PRDM16: variants seen among roughly 807,000 people sequenced by gnomAD.
PRDM16 encodes PR/SET domain 16, also known as histone-lysine N-methyltransferase PRDM16.
A neutral mutation model predicts 110.6 loss-of-function variants in PRDM16; 23 were observed. The observed-to-expected ratio is 0.21, with a 90% confidence interval of 0.15 to 0.29. The LOEUF (loss-of-function observed/expected upper bound fraction) is 0.29, where lower values mean the gene tolerates loss of function less well. PRDM16 is among the 10% of genes least tolerant of loss of function. The pLI, the probability that PRDM16 is intolerant of heterozygous loss-of-function variation, is 1.00. For missense variants in PRDM16, 1,615 were observed against 1,794.3 expected, an observed-to-expected ratio of 0.90 and a Z score of 1.81; for synonymous variants, 799 against 781.8, an observed-to-expected ratio of 1.02 and a Z score of -0.37.
chr1:3,069,223 C>T lies in PRDM16; in HGVS notation c.-37C>T, dbSNP rs1033736931. ...AAGATAGTGTGTGGCTGCTTCTGGA[C>T]TCAAGGAGGAGGAGAGAGATTCCGC... On this transcript the variant is annotated 5_prime_UTR_variant, in exon 1 of 17. Coordinates refer to ENST00000270722, the MANE Select transcript of PRDM16 (RefSeq NM_022114.4). This position sits in a 1 kb window ranked among gnomAD's most constrained non-coding sequence, Gnocchi z 6.1. 9 of 1,577,574 alleles carry T rather than the reference C, an allele frequency of 5.7e-6. No individual in the cohort carries two copies. The highest frequency in any genetic ancestry group is 6.9e-6 in the Non-Finnish European group (8 of 1,160,918).
rs186383353 is a variant in PRDM16, at chr1:3,249,469, G to A, written c.438+5332G>A. On this transcript the variant is annotated intron_variant, in intron 3 of 16. Coordinates refer to ENST00000270722, the MANE Select transcript of PRDM16 (RefSeq NM_022114.4). ...ACCGCCTTTTCCCGTTCCCTTACCA[G>A]CCAGCCAGCAACACAGATCCCGCCG... Among the ~76,000 whole-genome samples, 48 of 152,002 alleles carry A rather than the reference G, an allele frequency of 3.2e-4. 1 individual carries two copies. The East Asian group carries it at 7.4e-3, about 23-fold the overall frequency.
At chr1:3,274,093 A>C (rs1640529208) in intron 3 of PRDM16, among the ~76,000 whole-genome samples, 1 of 152,160 alleles carries the variant, frequency 6.6e-6, no homozygotes, top group Non-Finnish European at 1.5e-5. Context: ...AAAGTCCCTA[A>C]GAAAGAAGGG....
chr1:3,402,559 TG>T (rs888515383), intron 5 of PRDM16, among the ~76,000 whole-genome samples: 20 of 152,186 alleles, frequency 1.3e-4, no homozygotes, highest in Admixed American at 1.2e-3. Flanking sequence ...AGGCACAGAT[TG>T]GGGGGTCCTT....
chr1:3,069,374 C>G lies in PRDM16; in HGVS notation c.37+78C>G, dbSNP rs1297168798. 1.3e-5 allele frequency: 7 copies of G among 535,656 alleles called. No individual in the cohort carries two copies. The Admixed American group carries it at 2.0e-4, about 15-fold the overall frequency. 33.2% of individuals were successfully genotyped at this position (535,656 alleles called of 1,614,324 possible). A position where few individuals can be genotyped will look rare whatever the true frequency, so the allele number is the denominator to read the frequency against. On this transcript the variant is annotated intron_variant, in intron 1 of 16. Coordinates refer to ENST00000270722, the MANE Select transcript of PRDM16 (RefSeq NM_022114.4). This position sits in a 1 kb window ranked among gnomAD's most constrained non-coding sequence, Gnocchi z 6.1. ...CCGGGGCGCCCGGGCCAGGGGTGCG[C>G]GTCGGGGCGCGGCCGGCGCGCCTGC...
chr1:3,079,242 C>T (rs1272550251), intron 1 of PRDM16, among the ~76,000 whole-genome samples: 10 of 152,248 alleles, frequency 6.6e-5, no homozygotes, highest in Non-Finnish European at 1.5e-5. Context: ...GCTATGTCAG[C>T]ATCTCTCCGC....
intron 1 of PRDM16, among the ~76,000 whole-genome samples, chr1:3,146,677 G>GTA (rs1643665623): frequency 6.8e-6 from 1 of 146,982 alleles, no homozygotes; most frequent in Non-Finnish European, 1.5e-5. Flanking sequence ...AGTGTGGGGT[G>GTA]TGTGTGCACG....
chr1:3,338,303 C>T lies in PRDM16; in HGVS notation c.439-46849C>T, dbSNP rs75030428. The stretch of plus-strand genomic sequence containing the variant: ...GCTCCTGTGGCCTCAGATGAGAAGC[C>T]CCGTGGGGAACAGATGTTCCCTTGC... On this transcript the variant is annotated intron_variant, in intron 3 of 16. Coordinates refer to ENST00000270722, the MANE Select transcript of PRDM16 (RefSeq NM_022114.4). Among the ~76,000 whole-genome samples, 71 of 152,354 alleles carry T rather than the reference C, an allele frequency of 4.7e-4. 2 individuals carry two copies. In the East Asian group the frequency reaches 0.013, roughly 29 times the overall value.
chr1:3,336,489 T>A (rs1292161904), intron 3 of PRDM16, among the ~76,000 whole-genome samples: 1 of 151,508 alleles, frequency 6.6e-6, no homozygotes, highest in Admixed American at 6.6e-5. Context: ...CACATGTGTG[T>A]TGGTGTGAGA....
At position 3,438,369 on chromosome 1, in the gene PRDM16, C is replaced by A. The variant is rs560704161; in HGVS notation, c.*4558C>A. 4.9e-6 allele frequency: 1 copy of A among 203,080 alleles called. No homozygotes were observed. The highest frequency in any genetic ancestry group is 2.3e-5 in the African/African-American group (1 of 43,724). The allele number at this position is 203,080 out of a possible 1,614,324, so 12.6% of individuals were successfully genotyped here. A position where few individuals can be genotyped will look rare whatever the true frequency, so the allele number is the denominator to read the frequency against. On this transcript the variant is annotated 3_prime_UTR_variant, in exon 17 of 17. Transcript: ENST00000270722. ...CAGTTCCCAATTAATACGGAAATCG[C>A]TGTGGGAGAAGAATGAAATAAGACG... is the stretch of plus-strand genomic sequence containing the variant.
chr1:3,220,347 T>A (rs906406794), intron 2 of PRDM16, among the ~76,000 whole-genome samples: 1 of 152,130 alleles, frequency 6.6e-6, no homozygotes, highest in Non-Finnish European at 1.5e-5. Context: ...CTGTCCTGGC[T>A]CAGACTCACG....
rs541066271 is a variant in PRDM16 at position 3,242,979 on chromosome 1, A to G, written c.388-1108A>G. On this transcript the variant is annotated intron_variant, in intron 2 of 16. Coordinates refer to ENST00000270722, the MANE Select transcript of PRDM16 (RefSeq NM_022114.4). ...TGTCAGTTTGCTTAGCACAGACAGC[A>G]CTCTGGGATGGGTCACTGAGACGCC... Among the ~76,000 whole-genome samples, 1,521 of 152,242 alleles carry G rather than the reference A, an allele frequency of 1.0e-2. 8 individuals carry two copies. Among genetic ancestry groups the G allele is most frequent in the Non-Finnish European group, 0.011 (776 of 68,016 alleles).
intron 1 of PRDM16, among the ~76,000 whole-genome samples, chr1:3,149,394 G>A (rs1235932531): frequency 6.6e-6 from 1 of 152,152 alleles, no homozygotes; most frequent in Non-Finnish European, 1.5e-5. Context: ...CTGAGCCCCG[G>A]GTGGGGGCAG....
intron 3 of PRDM16, among the ~76,000 whole-genome samples, chr1:3,276,737 C>CAAAGCCAGCGAG (rs1640594260): frequency 2.3e-5 from 3 of 130,774 alleles, no homozygotes; most frequent in African/African-American, 8.2e-5. Flanking sequence ...TGTTTCCTCA[C>CAAAGCCAGCGAG]GGTTTCCCCT....
intron 3 of PRDM16, among the ~76,000 whole-genome samples, chr1:3,329,784 C>T (rs990769228): frequency 6.6e-6 from 1 of 152,258 alleles, no homozygotes; most frequent in African/African-American, 2.4e-5. Flanking sequence ...GAGAGGGGCA[C>T]GCCTGGGAGA....
chr1:3,248,891 T>C (rs1364808191), intron 3 of PRDM16, among the ~76,000 whole-genome samples: 1 of 152,116 alleles, frequency 6.6e-6, no homozygotes, highest in Non-Finnish European at 1.5e-5. Context: ...GTTTCCTGGG[T>C]CCCTCCCGTG....
rs1202739250 is a variant in PRDM16, at chr1:3,240,040, GAGGAGAGGAGAGGAGA to G, written c.388-4044_388-4029del. 4.0e-3 allele frequency among the ~76,000 whole-genome samples: 395 copies of G among 99,846 alleles called. 4 individuals are homozygous for G. Among genetic ancestry groups the G allele is most frequent in the South Asian group, 9.6e-3 (23 of 2,404 alleles). 65.5% of individuals were successfully genotyped at this position (99,846 alleles called of 152,430 possible). A position where few individuals can be genotyped will look rare whatever the true frequency, so the allele number is the denominator to read the frequency against. On this transcript the variant is annotated intron_variant, in intron 2 of 16. Transcript: ENST00000270722. ...AGAGAGAGAGAAGAGGAGAGGAGAA[GAGGAGAGGAGAGGAGA>G]AGAGGAGAGGAGAGGAGAGGAGAGG...
intron 2 of PRDM16, among the ~76,000 whole-genome samples, chr1:3,216,478 C>A (rs1213600046): frequency 6.6e-6 from 1 of 152,236 alleles, no homozygotes; most frequent in East Asian, 1.9e-4. Context: ...GGGAGACACA[C>A]CCAGACACAT....
rs2100534541 is a variant in PRDM16, at chr1:3,350,656, G to A, written c.439-34496G>A. Among the ~76,000 whole-genome samples the A allele has an allele frequency of 6.6e-6, 1 of 152,222 alleles. No individual in the cohort carries two copies. Among genetic ancestry groups the A allele is most frequent in the Middle Eastern group, 3.4e-3 (1 of 294 alleles). On this transcript the variant is annotated intron_variant, in intron 3 of 16. Coordinates refer to ENST00000270722, the MANE Select transcript of PRDM16 (RefSeq NM_022114.4). This position sits in a 1 kb window ranked among gnomAD's most constrained non-coding sequence, Gnocchi z 7.1. ...TCGGGCACAGCTTGGCTCCATGCAG[G>A]GCCCTGGGAGCACCCAGAAGGCAGG... is the stretch of plus-strand genomic sequence containing the variant.
rs4472707 is a variant in PRDM16, at chr1:3,391,591, C to G, written c.574-4900C>G. Reference sequence around the variant, plus strand: ...GTGTGCACAGAGTTTTATTTCATGTCTGGGTCGCTGGGATGGTGACGGCAT... The same window carrying G: ...GTGTGCACAGAGTTTTATTTCATGTGTGGGTCGCTGGGATGGTGACGGCAT... On this transcript the variant is annotated intron_variant, in intron 4 of 16. Transcript: ENST00000270722. Among the ~76,000 whole-genome samples, 980 of 152,326 alleles carry G rather than the reference C, an allele frequency of 6.4e-3. 17 individuals carry two copies. The highest frequency in any genetic ancestry group is 0.022 in the African/African-American group (923 of 41,562).
Sources: allele counts gnomAD v4.1 joint callset (sites outside exome capture counted in the v4.1 genomes callset), GRCh38; gene constraint gnomAD v4.1.1; non-coding constraint Gnocchi (gnomAD v3.1); transcripts MANE v1.5; gene names NCBI Gene and HGNC (gene_info 2026-07-23, HGNC 2026-07-21).